Variants in CACNA1C observed in about 807,000 individuals in gnomAD.
The protein encoded by CACNA1C is calcium voltage-gated channel subunit alpha1 C.
CACNA1C carries 30 observed loss-of-function variants against 229.0 expected under a neutral mutation model. That is an observed-to-expected ratio of 0.13 (90% CI 0.10 to 0.18). The LOEUF is 0.18. CACNA1C is among the 10% of genes least tolerant of loss of function. CACNA1C has a pLI of 1.00. For missense variants in CACNA1C, 1,658 were observed against 2,845.0 expected (o/e 0.58, Z 9.49); for synonymous variants, 1,114 against 1,132.5 (o/e 0.98, Z 0.33).
intron 8 of CACNA1C, among the ~76,000 whole-genome samples, chr12:2,510,864 G>A (rs961840189): frequency 1.3e-5 from 2 of 152,194 alleles, no homozygotes; most frequent in Non-Finnish European, 2.9e-5. Flanking sequence ...GGAGAAAAAT[G>A]CTATATGAGG....
chr12:2,176,832 C>T (rs2096660036), intron 3 of CACNA1C, among the ~76,000 whole-genome samples: 1 of 152,136 alleles, frequency 6.6e-6, no homozygotes, highest in Non-Finnish European at 1.5e-5. Flanking sequence ...TATCACTTGA[C>T]CCATCTTCTT....
At chr12:2,569,265 G>A (rs938629203) in intron 13 of CACNA1C, among the ~76,000 whole-genome samples, 1 of 152,022 alleles carries the variant, frequency 6.6e-6, no homozygotes, top group African/African-American at 2.4e-5. Context: ...CACTGGGAGT[G>A]GTGGAATCCA....
At chr12:2,462,910 A>ATTTTTTTTTTTTTTTTTTTTTTTTTTT in intron 5 of CACNA1C, among the ~76,000 whole-genome samples, 1 of 120,950 alleles carries the variant, frequency 8.3e-6, no homozygotes, top group Non-Finnish European at 1.7e-5. Context: ...CAAAAGTTGC[A>ATTTTTTTTTTTTTTTTTTTTTTTTTTT]TTTTTTTTTT....
chr12:2,489,215 G>GA (rs944948660), intron 6 of CACNA1C, among the ~76,000 whole-genome samples: 24 of 152,052 alleles, frequency 1.6e-4, no homozygotes, highest in African/African-American at 5.6e-4. Flanking sequence ...TGTAATTTTT[G>GA]ATGAGATTTA....
intron 9 of CACNA1C, among the ~76,000 whole-genome samples, chr12:2,536,881 A>G (rs1271827125): frequency 6.6e-6 from 1 of 152,036 alleles, no homozygotes; most frequent in African/African-American, 2.4e-5. Flanking sequence ...AATCCTACAG[A>G]CCCCTTCTGA....
chr12:2,648,629 C>G, intron 31 of CACNA1C, 122 bp downstream of exon 31: 1 of 814,570 alleles, frequency 1.2e-6, no homozygotes, highest in East Asian at 2.5e-5. Flanking sequence ...CATGTGGCCA[C>G]TGTGTCTGCC....
rs61149075 is a variant in CACNA1C, at chr12:2,114,101, G to C, written c.50-1123G>C. Among the ~76,000 whole-genome samples, 1,120 of 152,368 alleles carry C rather than the reference G, an allele frequency of 7.4e-3. 18 individuals carry two copies. The highest frequency in any genetic ancestry group is 0.025 in the African/African-American group (1,035 of 41,592). On this transcript the variant is annotated intron_variant, in intron 1 of 46. Coordinates refer to ENST00000399655, the MANE Select transcript of CACNA1C (RefSeq NM_000719.7). ...GACACCCTGTTACTGCTCAGTCTCT[G>C]TGGCTCAGGAATTCAGGAAGTTCTT...
intron 1 of CACNA1C, among the ~76,000 whole-genome samples, chr12:2,066,114 C>CCACT (rs1210635908): frequency 6.6e-6 from 1 of 152,018 alleles, no homozygotes; most frequent in Non-Finnish European, 1.5e-5. Flanking sequence ...GAGGCTGTTG[C>CCACT]CACTGTCCAG....
Position 2,158,474 on chromosome 12 carries a change from G to A in CACNA1C, c.477+38044G>A, listed in dbSNP as rs543782986. 3.3e-5 allele frequency among the ~76,000 whole-genome samples: 5 copies of A among 152,276 alleles called. No homozygotes were observed. In the South Asian group the frequency reaches 1.0e-3, roughly 32 times the overall value. ...TGCCTGTAGTCCCAGCTACTCAGGAGGTTGAGATGGGAGGATTGCTTGAGC... is the reference window on the plus strand; with the variant it reads ...TGCCTGTAGTCCCAGCTACTCAGGAAGTTGAGATGGGAGGATTGCTTGAGC... On this transcript the variant is annotated intron_variant, in intron 3 of 46. Coordinates refer to ENST00000399655, the MANE Select transcript of CACNA1C (RefSeq NM_000719.7).
At chr12:2,508,835 C>T (rs1350945471) in intron 8 of CACNA1C, among the ~76,000 whole-genome samples, 1 of 152,116 alleles carries the variant, frequency 6.6e-6, no homozygotes, top group Non-Finnish European at 1.5e-5. Context: ...ATCTGATGGT[C>T]CTCACATTAA....
chr12:2,367,006 T>C (rs2097738491), intron 3 of CACNA1C, among the ~76,000 whole-genome samples: 3 of 152,270 alleles, frequency 2.0e-5, no homozygotes, highest in South Asian at 4.1e-4. Flanking sequence ...GATTCAGTAA[T>C]GTCCCACCAG....
chr12:2,457,134 A>G (rs1567797165), intron 4 of CACNA1C, among the ~76,000 whole-genome samples: 1 of 151,762 alleles, frequency 6.6e-6, no homozygotes. Context: ...CAAGTCAAAG[A>G]GGGGGGGTAT....
chr12:2,690,416 C>T (rs963002488), intron 46 of CACNA1C, among the ~76,000 whole-genome samples: 10 of 152,150 alleles, frequency 6.6e-5, no homozygotes, highest in African/African-American at 2.2e-4. Context: ...TGCAGCCTGG[C>T]GCTGCTGGGG....
At chr12:2,168,325 A>G (rs1206654535) in intron 3 of CACNA1C, among the ~76,000 whole-genome samples, 3 of 152,194 alleles carry the variant, frequency 2.0e-5, no homozygotes, top group African/African-American at 7.2e-5. Flanking sequence ...GGGAAACAGA[A>G]TTCAGTTTTT....
intron 3 of CACNA1C, among the ~76,000 whole-genome samples, chr12:2,405,426 T>C (rs1389662249): frequency 3.3e-5 from 5 of 152,306 alleles, no homozygotes; most frequent in African/African-American, 1.2e-4. Context: ...TTCCTCCTCA[T>C]CATCCCTAAC....
At chr12:2,272,839 G>A (rs994198561) in intron 3 of CACNA1C, among the ~76,000 whole-genome samples, 4 of 152,214 alleles carry the variant, frequency 2.6e-5, no homozygotes, top group Admixed American at 1.3e-4. Flanking sequence ...ACACATGTTC[G>A]TAGGCCCAGG....
intron 3 of CACNA1C, among the ~76,000 whole-genome samples, chr12:2,134,424 T>A (rs2092946439): frequency 1.0e-4 from 10 of 96,394 alleles, no homozygotes; most frequent in African/African-American, 3.6e-4. Flanking sequence ...CATTTTGGCA[T>A]GATTTTGCAG....
chr12:2,314,934 A>T (rs2095611629), intron 3 of CACNA1C, among the ~76,000 whole-genome samples: 1 of 152,198 alleles, frequency 6.6e-6, no homozygotes, highest in Admixed American at 6.5e-5. Flanking sequence ...TTTTCAATGT[A>T]GAAAATGTGA....
Position 2,602,250 on chromosome 12 carries a change from G to GCCT in CACNA1C, c.2960+296_2960+298dup, listed in dbSNP as rs1391938679. On this transcript the variant is annotated intron_variant, in intron 22 of 46. Transcript: ENST00000399655. This position sits in a 1 kb window ranked among gnomAD's most constrained non-coding sequence, Gnocchi z 4.4. ...AAACGGTTGTCTCCAGGACCTTCCT[G>GCCT]CCTCCTCCACCACGGCCCCAGTGCC... 6.6e-6 allele frequency among the ~76,000 whole-genome samples: 1 copy of GCCT among 152,170 alleles called. No individual in the cohort carries two copies. Among genetic ancestry groups the GCCT allele is most frequent in the East Asian group, 1.9e-4 (1 of 5,196 alleles).
Sources: gnomAD v4.1 joint callset for allele counts (sites outside exome capture counted in the v4.1 genomes callset) on GRCh38, gnomAD v4.1.1 for gene constraint, Gnocchi (gnomAD v3.1) non-coding constraint, MANE v1.5 for transcripts, NCBI Gene and HGNC (gene_info 2026-07-23, HGNC 2026-07-21) for gene names.